The following UNC13C variants were observed in gnomAD, a reference collection of about 807,000 sequenced individuals.
UNC13C encodes unc-13 homolog C.
In UNC13C, 174 loss-of-function variants were observed where a neutral mutation model predicts 245.4. The observed-to-expected ratio is 0.71, with a 90% CI of 0.63 to 0.80. The LOEUF is 0.80. UNC13C is among the 30% of genes least tolerant of loss of function. UNC13C has a pLI of 0.00. For missense variants in UNC13C, 2,829 were observed against 2,602.9 expected (o/e 1.09, Z -1.89); for synonymous variants, 992 against 895.1 (o/e 1.11, Z -1.93).
At chr15:53,858,403 GT>G in the UNC13C span, among the ~76,000 whole-genome samples, 6 of 149,416 alleles carry the variant, frequency 4.0e-5, no homozygotes, top group South Asian at 2.1e-4. Context: ...CTCATAATGA[GT>G]TTTTTTTTGT....
At chr15:54,376,449 TTA>T (rs2039608874) in intron 17 of UNC13C, among the ~76,000 whole-genome samples, 1 of 152,152 alleles carries the variant, frequency 6.6e-6, no homozygotes, top group African/African-American at 2.4e-5. Flanking sequence ...AACAATGGAA[TTA>T]TGTTATTACA....
chr15:53,838,297 C>T, the UNC13C span, among the ~76,000 whole-genome samples: 1 of 152,036 alleles, frequency 6.6e-6, no homozygotes, highest in African/African-American at 2.4e-5. Context: ...TCATGCCACT[C>T]ACTCATTCAT....
intron 2 of UNC13C, among the ~76,000 whole-genome samples, chr15:54,042,346 A>G (rs1183201583): frequency 1.3e-5 from 2 of 152,216 alleles, no homozygotes; most frequent in African/African-American, 2.4e-5. Context: ...GATAACTTCA[A>G]TAGTGACTTT....
chr15:54,161,593 T>C lies in UNC13C; in HGVS notation c.3071+17909T>C, dbSNP rs185044979. Among the ~76,000 whole-genome samples, 621 of 152,254 alleles carry C rather than the reference T, an allele frequency of 4.1e-3. 2 individuals are homozygous for C. The highest frequency in any genetic ancestry group is 0.014 in the African/African-American group (601 of 41,544). ...CTATAAGTTCAGAGTTGTTCTTGTT[T>C]TGGTGTTTTTAGGTTTTGTTTTATA... On this transcript the variant is annotated intron_variant, in intron 4 of 32. Transcript: ENST00000260323.
the UNC13C span, among the ~76,000 whole-genome samples, chr15:53,937,590 T>C: frequency 6.6e-6 from 1 of 152,054 alleles, no homozygotes; most frequent in Admixed American, 6.6e-5. Flanking sequence ...CATCAGGTTC[T>C]CCAAGGTTGA....
At chr15:53,896,992 G>A in the UNC13C span, among the ~76,000 whole-genome samples, 2 of 152,156 alleles carry the variant, frequency 1.3e-5, no homozygotes, top group African/African-American at 4.8e-5. Flanking sequence ...GAGGTTTTCT[G>A]TTACATGTAA....
chr15:53,925,609 ACTAT>A, the UNC13C span, among the ~76,000 whole-genome samples: 1 of 152,182 alleles, frequency 6.6e-6, no homozygotes, highest in East Asian at 1.9e-4. Flanking sequence ...AGAAAGACAG[ACTAT>A]CTCTTTTGTT....
At chr15:53,986,844 T>G (rs956641581) in intron 1 of UNC13C, among the ~76,000 whole-genome samples, 2 of 151,984 alleles carry the variant, frequency 1.3e-5, no homozygotes, top group Non-Finnish European at 2.9e-5. Flanking sequence ...GCAAATAAAT[T>G]TGTTACTATA....
intron 29 of UNC13C, among the ~76,000 whole-genome samples, chr15:54,559,401 T>C (rs1897212107): frequency 6.6e-6 from 1 of 152,026 alleles, no homozygotes; most frequent in Admixed American, 6.6e-5. Context: ...TCTCAGCATC[T>C]TCTTTTCACC....
chr15:54,105,642 A>C (rs939192634), intron 2 of UNC13C, among the ~76,000 whole-genome samples: 6 of 82,818 alleles, frequency 7.2e-5, no homozygotes, highest in African/African-American at 2.1e-4. Context: ...CATGAAAAAA[A>C]CATTTCTACT....
intron 26 of UNC13C, among the ~76,000 whole-genome samples, chr15:54,536,486 GC>G (rs963577429): frequency 2.6e-5 from 4 of 151,954 alleles, no homozygotes; most frequent in African/African-American, 4.8e-5. Context: ...ATTCAATGAG[GC>G]CAGCATCATT....
intron 17 of UNC13C, among the ~76,000 whole-genome samples, chr15:54,380,070 T>C (rs1422648552): frequency 6.6e-6 from 1 of 152,076 alleles, no homozygotes; most frequent in African/African-American, 2.4e-5. Context: ...GTACAATAGA[T>C]CTCTTGAATT....
intron 7 of UNC13C, among the ~76,000 whole-genome samples, chr15:54,246,876 C>T (rs780981293): frequency 2.6e-5 from 4 of 152,012 alleles, no homozygotes; most frequent in Non-Finnish European, 5.9e-5. Flanking sequence ...ATGTAACCTG[C>T]GCATCCTGCA....
chr15:54,535,665 C>T (rs536380362), intron 26 of UNC13C, among the ~76,000 whole-genome samples: 2 of 152,008 alleles, frequency 1.3e-5, no homozygotes, highest in African/African-American at 2.4e-5. Flanking sequence ...AACAACAGTA[C>T]AATAAAATTA....
At chr15:54,484,455 T>C (rs1893301084) in intron 19 of UNC13C, among the ~76,000 whole-genome samples, 1 of 152,222 alleles carries the variant, frequency 6.6e-6, no homozygotes, top group Admixed American at 6.5e-5. Flanking sequence ...GAATTGAACA[T>C]GTCAGAACTA....
chr15:54,356,310 C>T (rs2039093201), intron 17 of UNC13C, among the ~76,000 whole-genome samples: 1 of 151,994 alleles, frequency 6.6e-6, no homozygotes, highest in African/African-American at 2.4e-5. Flanking sequence ...AACAAATTAA[C>T]CTCCAAAGGG....
chr15:54,065,254 A>G (rs1898022727), intron 2 of UNC13C, among the ~76,000 whole-genome samples: 1 of 152,162 alleles, frequency 6.6e-6, no homozygotes. Context: ...CAAGGGAGCC[A>G]GCTACAGGAC....
chr15:54,077,934 G>A (rs560260043), intron 2 of UNC13C, among the ~76,000 whole-genome samples: 9 of 152,212 alleles, frequency 5.9e-5, no homozygotes, highest in East Asian at 3.9e-4. Flanking sequence ...AATAGTAAAC[G>A]TAGTACCTAA....
At chr15:54,390,227 G>A (rs1026030865) in intron 17 of UNC13C, among the ~76,000 whole-genome samples, 1 of 152,178 alleles carries the variant, frequency 6.6e-6, no homozygotes, top group African/African-American at 2.4e-5. Context: ...TCTTTTGCAT[G>A]TAATGGCTCT....
Sources: gnomAD v4.1 joint callset for allele counts (sites outside exome capture counted in the v4.1 genomes callset) on GRCh38, gnomAD v4.1.1 for gene constraint, MANE v1.5 for transcripts, NCBI Gene and HGNC (gene_info 2026-07-23, HGNC 2026-07-21) for gene names.